DCP1B: variants seen among roughly 807,000 people sequenced by gnomAD.
DCP1B encodes the protein mRNA-decapping enzyme 1B.
Under a neutral mutation model 60.5 loss-of-function variants are expected in DCP1B, and 47 were observed. The observed-to-expected ratio is 0.78, with a 90% CI of 0.61 to 0.99. The LOEUF is 0.99. DCP1B is among the 50% of genes least tolerant of loss of function. The pLI is 0.00. For missense variants in DCP1B, 725 were observed against 756.8 expected, an observed-to-expected ratio of 0.96 and a Z score of 0.49; for synonymous variants, 267 against 280.3, an observed-to-expected ratio of 0.95 and a Z score of 0.47.
At chr12:1,968,271 G>A (rs1565771048) in intron 3 of DCP1B, among the ~76,000 whole-genome samples, 1 of 151,460 alleles carries the variant, frequency 6.6e-6, no homozygotes. Flanking sequence ...AGAATCGCTT[G>A]AACCTGGGAG....
intron 5 of DCP1B, among the ~76,000 whole-genome samples, chr12:1,957,489 A>C (rs1223014942): frequency 6.6e-6 from 1 of 152,228 alleles, no homozygotes; most frequent in Non-Finnish European, 1.5e-5. Context: ...CATTCAACAA[A>C]AAAATTTCTA....
chr12:1,968,567 T>C (rs1399202641), intron 3 of DCP1B, among the ~76,000 whole-genome samples: 4 of 152,160 alleles, frequency 2.6e-5, no homozygotes, highest in African/African-American at 4.8e-5. Context: ...CGAGATAGCA[T>C]TGTTTCTACA....
Position 1,952,427 on chromosome 12 carries a change from G to A in DCP1B, c.1513C>T (p.Pro505Ser). ...NKTPNTEQQT[P>S]LFQVISPQRI... ...TGGTACATATTTACCTGGAAAAGAG[G>A]AGTCTGCTGTTCTGTGTTGGGTGTC... Residue 505 changes from proline (P) to serine (S), a missense_variant, in exon 7 of 9, where the codon CCT (proline) becomes TCT (serine). Pro to Ser is a moderately conservative substitution (Grantham distance 74). Transcript: ENST00000280665. 1 of 1,580,564 alleles carries A rather than the reference G, an allele frequency of 6.3e-7. No homozygotes were observed. Among genetic ancestry groups the A allele is most frequent in the Middle Eastern group, 1.7e-4 (1 of 5,826 alleles).
chr12:1,943,168 C>G (rs1024690863), downstream of DCP1B, among the ~76,000 whole-genome samples: 2 of 152,156 alleles, frequency 1.3e-5, no homozygotes, highest in African/African-American at 4.8e-5. Flanking sequence ...ACCATAAACA[C>G]CTCTATGCAA....
At chr12:1,946,738 C>T (rs546849939) in intron 8 of DCP1B, among the ~76,000 whole-genome samples, 1 of 152,292 alleles carries the variant, frequency 6.6e-6, no homozygotes, top group South Asian at 2.1e-4. Flanking sequence ...CTCACTCTGT[C>T]ACCCAAGCTA....
In DCP1B at chr12:1,962,297, T is replaced by C. The variant is rs1209577264; in HGVS notation, c.522+3261A>G. The stretch of plus-strand genomic sequence containing the variant: ...GTTAGTGTGCATATTAAAGGCGTGC[T>C]CCTGGCCAAGCCCTTTGCTATCTCT... On this transcript the variant is annotated intron_variant, in intron 5 of 8. Coordinates refer to ENST00000280665, the MANE Select transcript of DCP1B (RefSeq NM_152640.5). The surrounding 1 kb of genome is among the most constrained non-coding windows in gnomAD (Gnocchi z 4.4). Among the ~76,000 whole-genome samples, 1 of 152,118 alleles carries C rather than the reference T, an allele frequency of 6.6e-6. No homozygotes were observed. The highest frequency in any genetic ancestry group is 1.5e-5 in the Non-Finnish European group (1 of 68,018).
At chr12:1,955,762 C>T (rs865935100) in intron 5 of DCP1B, among the ~76,000 whole-genome samples, 59 of 152,128 alleles carry the variant, frequency 3.9e-4, no homozygotes, top group African/African-American at 1.4e-3. Flanking sequence ...CTTAGTTGGA[C>T]AATTCAGTGC....
At chr12:1,994,719 A>G (rs550261936) in intron 2 of DCP1B, among the ~76,000 whole-genome samples, 1 of 152,346 alleles carries the variant, frequency 6.6e-6, no homozygotes, top group East Asian at 1.9e-4. Flanking sequence ...TCATACAAGA[A>G]TGAGAATTTG....
At chr12:2,002,672 C>G (rs1190867938) in intron 1 of DCP1B, among the ~76,000 whole-genome samples, 1 of 152,198 alleles carries the variant, frequency 6.6e-6, no homozygotes, top group East Asian at 1.9e-4. Context: ...ATTCTCCAGA[C>G]TCGAATCCCA....
intron 1 of DCP1B, among the ~76,000 whole-genome samples, chr12:1,999,729 T>C (rs1012119000): frequency 1.3e-5 from 2 of 152,072 alleles, no homozygotes; most frequent in Admixed American, 6.6e-5. Context: ...CTGTTTCTTA[T>C]AAATAAATAA....
downstream of DCP1B, among the ~76,000 whole-genome samples, chr12:1,944,465 C>T (rs565751465): frequency 1.5e-4 from 23 of 152,136 alleles, no homozygotes; most frequent in East Asian, 3.1e-3. Flanking sequence ...AAAAAGAGCC[C>T]GTATAGCCAA....
At chr12:1,968,114 C>T (rs1449865361) in intron 3 of DCP1B, among the ~76,000 whole-genome samples, 1 of 151,972 alleles carries the variant, frequency 6.6e-6, no homozygotes, top group East Asian at 1.9e-4. Flanking sequence ...CTTGTAATCC[C>T]AGTACTTTGG....
chr12:1,984,968 T>C (rs780627689), intron 3 of DCP1B, among the ~76,000 whole-genome samples: 3 of 151,978 alleles, frequency 2.0e-5, no homozygotes, highest in Non-Finnish European at 4.4e-5. Context: ...ATAAGAAATC[T>C]GCAGTCATTC....
In DCP1B at chr12:1,946,361, C is replaced by G. The variant is rs12311779; in HGVS notation, c.1774-75G>C. On this transcript the variant is annotated intron_variant, in intron 8 of 8. Transcript: ENST00000280665. ...ACAAAAGGCTTCCTCTGTCTTAGAG[C>G]TGAACTGGCCTTTGGATACTGAGAC... 6,853 of 1,161,350 alleles carry G rather than the reference C, an allele frequency of 5.9e-3. 315 individuals are homozygous for G. The African/African-American group carries it at 0.096, about 16-fold the overall frequency. The allele number at this position is 1,161,350 out of a possible 1,614,324, so 71.9% of individuals were successfully genotyped here.
rs1331877896 is a variant in DCP1B at position 1,961,377 on chromosome 12, A to G, written c.522+4181T>C. 3 of 152,244 alleles carry G rather than the reference A, an allele frequency of 2.0e-5. No individual in the cohort carries two copies. The East Asian group carries it at 5.8e-4, about 29-fold the overall frequency. The allele number at this position is 152,244 out of a possible 1,614,324, so 9.4% of individuals were successfully genotyped here. A position where few individuals can be genotyped will look rare whatever the true frequency, so the allele number is the denominator to read the frequency against. ...CGTGATCATGCAGGTGTCCTGGCAC[A>G]CTGTATCACAACATCTGGCTGTTAA... On this transcript the variant is annotated intron_variant, in intron 5 of 8. Coordinates refer to ENST00000280665, the MANE Select transcript of DCP1B (RefSeq NM_152640.5).
In DCP1B at chr12:1,998,076, T is replaced by C. The variant is rs1593356325; in HGVS notation, c.151-101A>G. The C allele has an allele frequency of 1.7e-5, 17 of 991,782 alleles. No homozygotes were observed. In the East Asian group the frequency reaches 4.5e-4, roughly 26 times the overall value. 61.4% of individuals were successfully genotyped at this position (991,782 alleles called of 1,614,324 possible). Reference sequence around the variant, plus strand: ...GAATAGGAATTATATATAACTTCAATGGGCCAAATATACCCAACATGAGGA... The same window carrying C: ...GAATAGGAATTATATATAACTTCAACGGGCCAAATATACCCAACATGAGGA... On this transcript the variant is annotated intron_variant, in intron 1 of 8. Coordinates refer to ENST00000280665, the MANE Select transcript of DCP1B (RefSeq NM_152640.5).
intron 3 of DCP1B, chr12:1,991,550 CT>C (rs891578089): frequency 0.015 from 3,251 of 219,124 alleles, no homozygotes; most frequent in South Asian, 0.032. Flanking sequence ...AGGTTTTTTC[CT>C]TTTTTTTTTG....
chr12:1,952,270 C>T, intron 7 of DCP1B, 146 bp downstream of exon 7: 1 of 1,009,162 alleles, frequency 9.9e-7, no homozygotes, highest in Non-Finnish European at 1.4e-6. Context: ...GCCTCTTGAG[C>T]TCAAGGGATC....
rs1200454267 is a variant in DCP1B, at chr12:1,971,091, C to G, written c.320-3181G>C. 1.6e-6 allele frequency: 2 copies of G among 1,288,670 alleles called. No homozygotes were observed. Among genetic ancestry groups the G allele is most frequent in the Non-Finnish European group, 2.0e-6 (2 of 987,862 alleles). The allele number at this position is 1,288,670 out of a possible 1,614,324, so 79.8% of individuals were successfully genotyped here. On this transcript the variant is annotated intron_variant, in intron 3 of 8. Coordinates refer to ENST00000280665, the MANE Select transcript of DCP1B (RefSeq NM_152640.5). This position sits in a 1 kb window ranked among gnomAD's most constrained non-coding sequence, Gnocchi z 4.2. The stretch of plus-strand genomic sequence containing the variant: ...CTTCGAGCCTTTGTTCAGCCTGGTA[C>G]GCCTGCATACCAGCCGCTTCCCAGC...
Sources: allele counts gnomAD v4.1 joint callset (sites outside exome capture counted in the v4.1 genomes callset), GRCh38; gene constraint gnomAD v4.1.1; non-coding constraint Gnocchi (gnomAD v3.1); transcripts MANE v1.5; gene names NCBI Gene and HGNC (gene_info 2026-07-23, HGNC 2026-07-21).